STX6: variants seen among roughly 807,000 people sequenced by gnomAD.
STX6 encodes the protein syntaxin-6.
A neutral mutation model predicts 38.0 loss-of-function variants in STX6; 23 were observed. That is an observed-to-expected ratio of 0.60 (90% confidence interval 0.43 to 0.86). The LOEUF (loss-of-function observed/expected upper bound fraction) is 0.86, where lower values mean the gene tolerates loss of function less well. STX6 is among the 40% of genes least tolerant of loss of function. The pLI is 0.00. For synonymous variants in STX6, 123 were observed against 107.5 expected (o/e 1.14, Z -0.89); for missense variants, 274 against 312.9 (o/e 0.88, Z 0.94).
intron 3 of STX6, among the ~76,000 whole-genome samples, chr1:181,000,822 C>T (rs182502912): frequency 6.6e-6 from 1 of 151,312 alleles, no homozygotes; most frequent in Non-Finnish European, 1.5e-5. Context: ...CACTGCAAGG[C>T]CCCACTTAAA....
At chr1:181,004,230 C>T (rs138168114) in intron 2 of STX6, among the ~76,000 whole-genome samples, 47 of 152,322 alleles carry the variant, frequency 3.1e-4, no homozygotes, top group African/African-American at 1.1e-3. Flanking sequence ...GTAATAAATG[C>T]AAATTCGGTC....
Position 180,984,691 on chromosome 1 carries a change from G to A in STX6, c.677C>T (p.Ser226Phe). Residue 226 changes from serine (S) to phenylalanine (F), a missense_variant, in exon 7 of 8, where the codon TCT (serine) becomes TTT (phenylalanine). Coordinates refer to ENST00000258301, the MANE Select transcript of STX6 (RefSeq NM_005819.6). ...GCCATACATACCACTGGTCATATGA[G>A]ATACTTTTGCAAGTTTCTTCATCAC... ...DNVMKKLAKV[S>F]HMTSDRRQWC... The A allele has an allele frequency of 6.5e-7, 1 of 1,542,920 alleles. No homozygotes were observed. Among genetic ancestry groups the A allele is most frequent in the Non-Finnish European group, 9.0e-7 (1 of 1,115,576 alleles).
chr1:180,976,752 G>T, intron 7 of STX6, 106 bp from the exon 8 acceptor site: 1 of 1,049,540 alleles, frequency 9.5e-7, no homozygotes. Context: ...GGGGCAGAAC[G>T]TGCAAATGAC....
chr1:180,987,603 G>GT (rs924777041), intron 6 of STX6: 1 of 152,152 alleles, frequency 6.6e-6, no homozygotes, highest in Non-Finnish European at 1.5e-5. Context: ...CTGGTGGACT[G>GT]TTTTTTCATT....
chr1:181,017,544 G>T (rs868009781), intron 1 of STX6, among the ~76,000 whole-genome samples: 1 of 152,140 alleles, frequency 6.6e-6, no homozygotes, highest in African/African-American at 2.4e-5. Context: ...CAGTTACATG[G>T]TTTTCTTCAG....
intron 1 of STX6, among the ~76,000 whole-genome samples, chr1:181,021,940 A>C (rs1046779794): frequency 4.6e-5 from 7 of 152,244 alleles, no homozygotes; most frequent in Non-Finnish European, 1.0e-4. Context: ...TGCTAATAGA[A>C]AGCTGAGGAA....
At chr1:181,014,873 C>T (rs1195603930) in intron 1 of STX6, among the ~76,000 whole-genome samples, 1 of 152,178 alleles carries the variant, frequency 6.6e-6, no homozygotes, top group East Asian at 1.9e-4. Context: ...AATGAAACAT[C>T]ATTTTTACTC....
chr1:180,990,767 A>G (rs1655735418), intron 4 of STX6, among the ~76,000 whole-genome samples: 1 of 152,172 alleles, frequency 6.6e-6, no homozygotes, highest in African/African-American at 2.4e-5. Context: ...GGGCTGCCCT[A>G]AAGTCAGAGT....
chr1:180,989,646 G>T (rs775533951), intron 5 of STX6, among the ~76,000 whole-genome samples: 1 of 152,014 alleles, frequency 6.6e-6, no homozygotes, highest in Non-Finnish European at 1.5e-5. Flanking sequence ...TAGAGAAAGG[G>T]TCTTGCTCTG....
At chr1:181,019,564 A>T (rs890425510) in intron 1 of STX6, among the ~76,000 whole-genome samples, 1 of 152,180 alleles carries the variant, frequency 6.6e-6, no homozygotes, top group East Asian at 1.9e-4. Context: ...AATCACAGTC[A>T]CTGTATTGAG....
chr1:180,984,717 A>G lies in STX6; in HGVS notation c.651T>C (p.Asn217=), dbSNP rs3747957. The G allele has an allele frequency of 0.58, 925,389 of 1,588,910 alleles. 272,694 individuals are homozygous for G. Among genetic ancestry groups the G allele is most frequent in the Admixed American group, 0.65 (38,573 of 59,612 alleles). Residue 217 remains asparagine, a synonymous_variant, in exon 7 of 8, where the codon AAT becomes AAC. Transcript: ENST00000258301. The stretch of plus-strand genomic sequence containing the variant: ...ATACTTTTGCAAGTTTCTTCATCAC[A>G]TTGTCCAGCCGGGACTGAGTGCTCT... ...ELESTQSRLD[N]VMKKLAKVSH... is the part of the protein sequence containing the mutation.
At chr1:181,005,900 C>T (rs1656213255) in intron 1 of STX6, among the ~76,000 whole-genome samples, 1 of 152,024 alleles carries the variant, frequency 6.6e-6, no homozygotes, top group South Asian at 2.1e-4. Flanking sequence ...AATGAGAATG[C>T]TGGAGGGAAG....
chr1:181,016,333 C>G (rs978897964), intron 1 of STX6, among the ~76,000 whole-genome samples: 1 of 152,202 alleles, frequency 6.6e-6, no homozygotes, highest in Non-Finnish European at 1.5e-5. Flanking sequence ...GACCAGCATT[C>G]CCAGCATGGG....
intron 1 of STX6, among the ~76,000 whole-genome samples, chr1:181,014,075 T>A (rs1047679740): frequency 1.3e-5 from 2 of 152,156 alleles, no homozygotes; most frequent in South Asian, 4.1e-4. Flanking sequence ...AACTCCAGTT[T>A]GATAAAAGAA....
intron 1 of STX6, among the ~76,000 whole-genome samples, chr1:181,006,478 G>C (rs10910848): frequency 0.3 from 44,988 of 149,788 alleles, 7,370 homozygotes; most frequent in Non-Finnish European, 0.36. Flanking sequence ...CCCACCATTG[G>C]GCCAATATCC....
chr1:181,015,198 G>GA (rs931402173), intron 1 of STX6, among the ~76,000 whole-genome samples: 4 of 152,180 alleles, frequency 2.6e-5, no homozygotes, highest in Admixed American at 2.6e-4. Context: ...TTAAGCTGAT[G>GA]ACTCCCCCAC....
chr1:180,975,507 C>T lies in STX6; in HGVS notation c.*1063G>A, dbSNP rs1281121450. On this transcript the variant is annotated 3_prime_UTR_variant, in exon 8 of 8. Coordinates refer to ENST00000258301, the MANE Select transcript of STX6 (RefSeq NM_005819.6). ...GAAAAAAAAGAACCAAGTTTACCTA[C>T]ACATCCTTGCCATTACCCACAGAGT... 1 of 152,654 alleles carries T rather than the reference C, an allele frequency of 6.6e-6. No individual in the cohort carries two copies. Among genetic ancestry groups the T allele is most frequent in the Non-Finnish European group, 1.5e-5 (1 of 68,052 alleles). The allele number at this position is 152,654 out of a possible 1,614,324, so 9.5% of individuals were successfully genotyped here.
In STX6 at chr1:180,984,718, T is replaced by C; in HGVS notation, c.650A>G (p.Asn217Ser). ...TACTTTTGCAAGTTTCTTCATCACATTGTCCAGCCGGGACTGAGTGCTCTC... is the reference window on the plus strand; with the variant it reads ...TACTTTTGCAAGTTTCTTCATCACACTGTCCAGCCGGGACTGAGTGCTCTC... ...ELESTQSRLD[N>S]VMKKLAKVSH... The change falls in exon 7 of 8, where the codon AAT becomes AGT. Residue 217 changes from asparagine to serine, a missense_variant. By Grantham distance (46) the Asn-to-Ser change is conservative. Transcript: ENST00000258301. 1 of 1,598,416 alleles carries C rather than the reference T, an allele frequency of 6.3e-7. No homozygotes were observed. Among genetic ancestry groups the C allele is most frequent in the Non-Finnish European group, 8.6e-7 (1 of 1,165,982 alleles).
chr1:180,990,435 G>T (rs1655723163), intron 4 of STX6, among the ~76,000 whole-genome samples: 2 of 152,138 alleles, frequency 1.3e-5, no homozygotes. Flanking sequence ...TTGTAAAAGA[G>T]CTCTTCCTGG....
Sources: gnomAD v4.1 joint callset for allele counts (sites outside exome capture counted in the v4.1 genomes callset) on GRCh38, gnomAD v4.1.1 for gene constraint, MANE v1.5 for transcripts, NCBI Gene and HGNC (gene_info 2026-07-23, HGNC 2026-07-21) for gene names.